Variants in INPP5A observed in about 807,000 individuals in gnomAD.
INPP5A encodes the protein inositol polyphosphate-5-phosphatase A, also known as 43 kDa inositol polyphosphate 5-phophatase.
INPP5A carries 14 observed loss-of-function variants against 65.2 expected under a neutral mutation model. That is an observed-to-expected ratio of 0.21 (90% CI 0.14 to 0.34). INPP5A has a LOEUF of 0.34. INPP5A is among the 10% of genes least tolerant of loss of function. The pLI is 1.00. For missense variants in INPP5A, 431 were observed against 545.6 expected (o/e 0.79, Z 2.09); for synonymous variants, 207 against 208.3 (o/e 0.99, Z 0.05).
intron 1 of INPP5A, among the ~76,000 whole-genome samples, chr10:132,541,526 C>T (rs1407238754): frequency 6.6e-6 from 1 of 152,190 alleles, no homozygotes; most frequent in Non-Finnish European, 1.5e-5. Context: ...CCCTCACTTT[C>T]CTAGAAATTA....
intron 12 of INPP5A, among the ~76,000 whole-genome samples, chr10:132,766,558 G>A (rs568945766): frequency 6.5e-4 from 99 of 152,366 alleles, no homozygotes; most frequent in African/African-American, 2.3e-3. Flanking sequence ...AGTTGTGGAT[G>A]TGTGTGCATA....
At chr10:132,686,522 G>C (rs2073115409) in intron 4 of INPP5A, among the ~76,000 whole-genome samples, 1 of 152,314 alleles carries the variant, frequency 6.6e-6, no homozygotes, top group South Asian at 2.1e-4. Context: ...CCTGGTGTCT[G>C]TGATAAATGG....
intron 9 of INPP5A, 83 bp from the exon 10 acceptor site, chr10:132,749,434 C>T (rs1846431074): frequency 2.4e-6 from 3 of 1,252,396 alleles, no homozygotes; most frequent in South Asian, 2.6e-5. Flanking sequence ...GCCATCCTAT[C>T]CCACTGACTC....
intron 2 of INPP5A, among the ~76,000 whole-genome samples, chr10:132,611,005 G>A (rs1047564132): frequency 6.7e-6 from 1 of 148,278 alleles, no homozygotes; most frequent in Non-Finnish European, 1.5e-5. Context: ...CAGAGGAGGG[G>A]AGGGAGGTGA....
intron 8 of INPP5A, among the ~76,000 whole-genome samples, chr10:132,712,423 G>A (rs1446862806): frequency 1.7e-5 from 2 of 115,270 alleles, no homozygotes; most frequent in Admixed American, 1.8e-4. Context: ...GCATACATAT[G>A]TGTGTGCACG....
chr10:132,774,539 G>T (rs1847011127), intron 12 of INPP5A, among the ~76,000 whole-genome samples: 1 of 152,186 alleles, frequency 6.6e-6, no homozygotes, highest in South Asian at 2.1e-4. Context: ...GCGAAGCCGT[G>T]GGCCCCCACC....
In INPP5A at chr10:132,538,122, G is replaced by A. The variant is rs1477627098; in HGVS notation, c.26G>A (p.Gly9Asp). 1 of 1,242,784 alleles carries A rather than the reference G, an allele frequency of 8.0e-7. No homozygotes were observed. Among genetic ancestry groups the A allele is most frequent in the Non-Finnish European group, 1.0e-6 (1 of 990,012 alleles). The allele number at this position is 1,242,784 out of a possible 1,614,324, so 77.0% of individuals were successfully genotyped here. A position where few individuals can be genotyped will look rare whatever the true frequency, so the allele number is the denominator to read the frequency against. ...ATGGCGGGGAAGGCGGCCGCCCCGG[G>A]CACCGCGGTGCTGCTGGTCACGGCC... MAGKAAAP[G>D]TAVLLVTANV... The change falls in exon 1 of 16, where the codon GGC (glycine) becomes GAC (aspartate). Residue 9 changes from glycine (G) to aspartate (D), a missense_variant. Coordinates refer to ENST00000368594, the MANE Select transcript of INPP5A (RefSeq NM_005539.5). This position sits in a 1 kb window ranked among gnomAD's most constrained non-coding sequence, Gnocchi z 4.1.
At chr10:132,572,350 A>G (rs2071354409) in intron 1 of INPP5A, among the ~76,000 whole-genome samples, 1 of 152,194 alleles carries the variant, frequency 6.6e-6, no homozygotes, top group Non-Finnish European at 1.5e-5. Flanking sequence ...CCTGGACCAG[A>G]GGCCTTCCCT....
chr10:132,750,807 G>A (rs1367674303), intron 11 of INPP5A, among the ~76,000 whole-genome samples: 2 of 152,222 alleles, frequency 1.3e-5, no homozygotes, highest in African/African-American at 4.8e-5. Context: ...CCTTGGCGCT[G>A]CGTCAGGGCA....
chr10:132,763,076 C>T (rs189793122), intron 11 of INPP5A, among the ~76,000 whole-genome samples: 1 of 152,336 alleles, frequency 6.6e-6, no homozygotes, highest in East Asian at 1.9e-4. Flanking sequence ...TTTGGTGGTG[C>T]AGGGGAGATC....
intron 1 of INPP5A, among the ~76,000 whole-genome samples, chr10:132,557,799 C>T (rs767851136): frequency 4.6e-5 from 7 of 152,042 alleles, no homozygotes; most frequent in African/African-American, 9.7e-5. Context: ...TGGGCCTGGG[C>T]GGGGAGGGCC....
intron 2 of INPP5A, among the ~76,000 whole-genome samples, chr10:132,641,759 C>A (rs1464470185): frequency 6.6e-6 from 1 of 152,224 alleles, no homozygotes; most frequent in Non-Finnish European, 1.5e-5. Context: ...TGAAACTTCT[C>A]ATGGTAAAGA....
At chr10:132,565,163 T>C (rs2071257033) in intron 1 of INPP5A, among the ~76,000 whole-genome samples, 1 of 152,206 alleles carries the variant, frequency 6.6e-6, no homozygotes. Flanking sequence ...CAGGCTGGTG[T>C]GCATGGCATG....
At chr10:132,716,923 GGATGGACTCATCGA>G (rs1343239267) in intron 8 of INPP5A, among the ~76,000 whole-genome samples, 1 of 152,234 alleles carries the variant, frequency 6.6e-6, no homozygotes, top group African/African-American at 2.4e-5. Context: ...CTTGATGTGG[GGATGGACTCATCGA>G]AGGGAGTGTG....
chr10:132,782,849 C>T lies in INPP5A; in HGVS notation c.*820C>T, dbSNP rs1847192093. The T allele has an allele frequency of 2.0e-5, 3 of 152,294 alleles. No individual in the cohort carries two copies. The highest frequency in any genetic ancestry group is 6.5e-5 in the Admixed American group (1 of 15,274). The allele number at this position is 152,294 out of a possible 1,614,324, so 9.4% of individuals were successfully genotyped here. On this transcript the variant is annotated 3_prime_UTR_variant, in exon 16 of 16. Coordinates refer to ENST00000368594, the MANE Select transcript of INPP5A (RefSeq NM_005539.5). This position sits in a 1 kb window ranked among gnomAD's most constrained non-coding sequence, Gnocchi z 4.4. ...GGGCCGTTACTCCCATGCCGTTCTT[C>T]TGTGTAATATTAAGAACTGAATGTG... is the stretch of plus-strand genomic sequence containing the variant.
chr10:132,713,347 G>A (rs964469534), intron 8 of INPP5A, among the ~76,000 whole-genome samples: 2 of 152,020 alleles, frequency 1.3e-5, no homozygotes, highest in South Asian at 4.1e-4. Flanking sequence ...GCTCCAGGGG[G>A]AGTTGGAGCT....
At chr10:132,767,100 G>A (rs1846861126) in intron 12 of INPP5A, among the ~76,000 whole-genome samples, 1 of 122,140 alleles carries the variant, frequency 8.2e-6, no homozygotes, top group South Asian at 3.3e-4. Flanking sequence ...GGAGCTGGAG[G>A]ATGCGGCCTC....
At position 132,753,136 on chromosome 10, in the gene INPP5A, C is replaced by T. The variant is rs967081828; in HGVS notation, c.903+3291C>T. ...TGGGACGACGGCACCTTCGGGAACG[C>T]CCCATGGGTTCCTGCTGACCCGGGT... is the stretch of plus-strand genomic sequence containing the variant. On this transcript the variant is annotated intron_variant, in intron 11 of 15. Transcript: ENST00000368594. This position sits in a 1 kb window ranked among gnomAD's most constrained non-coding sequence, Gnocchi z 5.3. Among the ~76,000 whole-genome samples the T allele has an allele frequency of 6.6e-6, 1 of 152,184 alleles. No homozygotes were observed. Among genetic ancestry groups the T allele is most frequent in the African/African-American group, 2.4e-5 (1 of 41,444 alleles).
At chr10:132,573,035 G>T (rs1352642404) in intron 1 of INPP5A, among the ~76,000 whole-genome samples, 2 of 150,486 alleles carry the variant, frequency 1.3e-5, no homozygotes, top group African/African-American at 4.9e-5. Flanking sequence ...TGCGATGTTG[G>T]GGTGTACGTG....
Sources: gnomAD v4.1 joint callset for allele counts (sites outside exome capture counted in the v4.1 genomes callset) on GRCh38, gnomAD v4.1.1 for gene constraint, Gnocchi (gnomAD v3.1) non-coding constraint, MANE v1.5 for transcripts, NCBI Gene and HGNC (gene_info 2026-07-23, HGNC 2026-07-21) for gene names.